Variants in SYN3 observed in about 807,000 individuals in gnomAD.
SYN3 encodes the protein synapsin-3.
In SYN3, 35 loss-of-function variants were observed where a neutral mutation model predicts 65.8. The observed-to-expected ratio is 0.53, with a 90% CI of 0.41 to 0.70. The LOEUF (loss-of-function observed/expected upper bound fraction) is 0.70. SYN3 is among the 30% of genes least tolerant of loss of function. The pLI is 0.00. For synonymous variants in SYN3, 270 were observed against 292.9 expected, an observed-to-expected ratio of 0.92 and a Z score of 0.80; for missense variants, 680 against 749.0, an observed-to-expected ratio of 0.91 and a Z score of 1.08.
intron 6 of SYN3, among the ~76,000 whole-genome samples, chr22:32,768,627 T>C (rs996317235): frequency 3.0e-5 from 4 of 133,536 alleles, no homozygotes; most frequent in African/African-American, 9.2e-5. Context: ...CTATGTACTA[T>C]AAACACTCTG....
rs1458983107 is a variant in SYN3 at position 32,857,942 on chromosome 22, T to C, written c.711+6973A>G. On this transcript the variant is annotated intron_variant, in intron 6 of 13. Transcript: ENST00000358763. Reference sequence around the variant, plus strand: ...ACAGTGCCTGGGCTAAGTGGGAACATAGTAGGTGTGAATTCTCTCTGGGCT... The same window carrying C: ...ACAGTGCCTGGGCTAAGTGGGAACACAGTAGGTGTGAATTCTCTCTGGGCT... 1.8e-5 allele frequency: 29 copies of C among 1,609,870 alleles called. 1 individual carries two copies. Among genetic ancestry groups the C allele is most frequent in the South Asian group, 5.5e-5 (5 of 90,800 alleles).
intron 1 of SYN3, among the ~76,000 whole-genome samples, chr22:33,041,589 T>C (rs1246151509): frequency 6.6e-6 from 1 of 152,154 alleles, no homozygotes; most frequent in African/African-American, 2.4e-5. Flanking sequence ...TGAGCCACCA[T>C]GCCCGGCCTG....
chr22:32,902,523 G>T (rs921969744), intron 4 of SYN3, among the ~76,000 whole-genome samples: 10 of 152,176 alleles, frequency 6.6e-5, no homozygotes, highest in Non-Finnish European at 1.5e-4. Context: ...AAATTCATTG[G>T]TTTTTTATTA....
At chr22:32,618,650 G>T (rs1171666626) in intron 6 of SYN3, among the ~76,000 whole-genome samples, 3 of 152,192 alleles carry the variant, frequency 2.0e-5, no homozygotes, top group African/African-American at 7.2e-5. Context: ...AACAAGAGAG[G>T]CTGCCAAGCT....
Position 32,772,086 on chromosome 22 carries a change from A to C in SYN3, c.711+92829T>G, listed in dbSNP as rs1164880567. 2.6e-5 allele frequency among the ~76,000 whole-genome samples: 4 copies of C among 152,088 alleles called. No homozygotes were observed. In the East Asian group the frequency reaches 7.7e-4, roughly 29 times the overall value. On this transcript the variant is annotated intron_variant, in intron 6 of 13. Coordinates refer to ENST00000358763, the MANE Select transcript of SYN3 (RefSeq NM_003490.4). ...TCCTAGGACATCTGAAAAAGCCATT[A>C]AGCCTGGAAGAAAGGATCCTACATT...
intron 6 of SYN3, among the ~76,000 whole-genome samples, chr22:32,804,278 G>C (rs2046667055): frequency 6.6e-6 from 1 of 152,208 alleles, no homozygotes; most frequent in African/African-American, 2.4e-5. Flanking sequence ...GGTGTGAGCT[G>C]CTTGCCTGCC....
intron 6 of SYN3, among the ~76,000 whole-genome samples, chr22:32,764,221 G>A (rs1176813044): frequency 6.6e-6 from 1 of 152,116 alleles, no homozygotes; most frequent in East Asian, 1.9e-4. Flanking sequence ...GAGATTACAG[G>A]TGTGAGCCAC....
chr22:32,819,042 G>A (rs1473329336), intron 6 of SYN3, among the ~76,000 whole-genome samples: 2 of 152,252 alleles, frequency 1.3e-5, no homozygotes, highest in South Asian at 2.1e-4. Flanking sequence ...GTATAGGTGA[G>A]CCAGAGGAAA....
At chr22:33,044,703 G>C (rs1444152042) in intron 1 of SYN3, among the ~76,000 whole-genome samples, 1 of 151,690 alleles carries the variant, frequency 6.6e-6, no homozygotes, top group African/African-American at 2.4e-5. Flanking sequence ...ACTCTCCCCA[G>C]CTCCCCCTAG....
At chr22:32,904,661 T>C (rs989734275) in intron 4 of SYN3, among the ~76,000 whole-genome samples, 1 of 152,176 alleles carries the variant, frequency 6.6e-6, no homozygotes, top group African/African-American at 2.4e-5. Context: ...AATCTCCTTA[T>C]GCATATAGAG....
At chr22:32,884,785 G>A (rs774535859) in intron 4 of SYN3, among the ~76,000 whole-genome samples, 6 of 152,184 alleles carry the variant, frequency 3.9e-5, no homozygotes, top group East Asian at 1.9e-4. Context: ...GCTGAGGCAG[G>A]AGAATAGCTT....
intron 6 of SYN3, among the ~76,000 whole-genome samples, chr22:32,834,012 G>A (rs1438038178): frequency 6.6e-5 from 10 of 152,154 alleles, no homozygotes; most frequent in South Asian, 2.1e-4. Flanking sequence ...TTGACCAAAT[G>A]TGTTCATCCC....
At chr22:32,841,391 C>T (rs142775930) in intron 6 of SYN3, among the ~76,000 whole-genome samples, 5 of 152,208 alleles carry the variant, frequency 3.3e-5, no homozygotes, top group Non-Finnish European at 5.9e-5. Flanking sequence ...GAAGGTCCCC[C>T]GCCCAAGTGA....
At chr22:33,045,337 G>A (rs2145950881) in intron 1 of SYN3, among the ~76,000 whole-genome samples, 1 of 152,114 alleles carries the variant, frequency 6.6e-6, no homozygotes, top group South Asian at 2.1e-4. Flanking sequence ...GGAGCCACTT[G>A]AGGATAGAAA....
chr22:32,930,729 T>G (rs543018281), intron 4 of SYN3, among the ~76,000 whole-genome samples: 3 of 152,314 alleles, frequency 2.0e-5, no homozygotes, highest in East Asian at 1.9e-4. Context: ...ACCTAGTGTG[T>G]ATCGTTCTCT....
intron 4 of SYN3, among the ~76,000 whole-genome samples, chr22:32,884,921 G>A (rs2049248792): frequency 6.6e-6 from 1 of 152,234 alleles, no homozygotes. Context: ...TACAAATGGA[G>A]ATGCTTCTTT....
chr22:33,011,894 C>T (rs1005833088), intron 1 of SYN3, among the ~76,000 whole-genome samples: 1 of 152,050 alleles, frequency 6.6e-6, no homozygotes, highest in Non-Finnish European at 1.5e-5. Flanking sequence ...CTTATGATTC[C>T]TCCTGATATT....
chr22:32,979,150 T>C (rs1351502345), intron 3 of SYN3, among the ~76,000 whole-genome samples: 1 of 147,384 alleles, frequency 6.8e-6, no homozygotes, highest in Non-Finnish European at 1.5e-5. Flanking sequence ...TTCACTCCAT[T>C]GCACTCCAGC....
At chr22:32,787,020 G>A (rs1025547724) in intron 6 of SYN3, among the ~76,000 whole-genome samples, 2 of 151,152 alleles carry the variant, frequency 1.3e-5, no homozygotes, top group Non-Finnish European at 1.5e-5. Context: ...TCAGCATCCC[G>A]AATGTGCCAA....
Sources: allele counts gnomAD v4.1 joint callset (sites outside exome capture counted in the v4.1 genomes callset), GRCh38; gene constraint gnomAD v4.1.1; transcripts MANE v1.5; gene names NCBI Gene and HGNC (gene_info 2026-07-23, HGNC 2026-07-21).